The following DCC variants were observed in gnomAD, a reference collection of about 807,000 sequenced individuals.
DCC encodes the protein DCC netrin 1 receptor, also known as netrin receptor DCC.
A neutral mutation model predicts 172.5 loss-of-function variants in DCC; 58 were observed. The ratio of observed to expected loss-of-function variants is 0.34; its 90% CI spans 0.27 to 0.42. The LOEUF is 0.42. Ranked by LOEUF, DCC falls within the 10% of genes least tolerant of loss-of-function variation. DCC has a pLI of 1.00. For missense variants in DCC, 1,740 were observed against 1,791.0 expected, an observed-to-expected ratio of 0.97 and a Z score of 0.51; for synonymous variants, 709 against 644.5, an observed-to-expected ratio of 1.10 and a Z score of -1.52.
chr18:52,600,239 C>A (rs1474986853), intron 1 of DCC, among the ~76,000 whole-genome samples: 1 of 152,152 alleles, frequency 6.6e-6, no homozygotes, highest in Non-Finnish European at 1.5e-5. Context: ...TAACTAGCGT[C>A]CCCAGCTCTA....
At chr18:53,077,268 G>T (rs1408083518) in intron 7 of DCC, among the ~76,000 whole-genome samples, 1 of 151,934 alleles carries the variant, frequency 6.6e-6, no homozygotes, top group African/African-American at 2.4e-5. Context: ...AGGTGGTGTG[G>T]TATACTCAAC....
chr18:52,518,954 A>G (rs1189036658), intron 1 of DCC, among the ~76,000 whole-genome samples: 1 of 152,192 alleles, frequency 6.6e-6, no homozygotes, highest in Non-Finnish European at 1.5e-5. Flanking sequence ...TGTAACCCTA[A>G]ATGAAGGCCA....
intron 15 of DCC, among the ~76,000 whole-genome samples, chr18:53,356,584 A>T (rs371404898): frequency 3.3e-5 from 5 of 152,158 alleles, no homozygotes; most frequent in African/African-American, 1.2e-4. Context: ...TATGAGTTAC[A>T]TGGTTGTCCA....
intron 1 of DCC, among the ~76,000 whole-genome samples, chr18:52,589,690 G>A (rs550536771): frequency 1.9e-4 from 29 of 152,192 alleles, no homozygotes; most frequent in African/African-American, 7.0e-4. Context: ...AACCATATAA[G>A]CCTTTTTCTG....
intron 26 of DCC, 44 bp downstream of exon 26, chr18:53,487,002 A>G (rs752237473): frequency 6.2e-7 from 1 of 1,611,786 alleles, no homozygotes; most frequent in South Asian, 1.1e-5. Flanking sequence ...AATGAATAAT[A>G]GCAAAGGTGT....
intron 21 of DCC, among the ~76,000 whole-genome samples, chr18:53,428,610 ATT>A (rs1295211173): frequency 3.3e-5 from 1 of 30,374 alleles, no homozygotes; most frequent in Non-Finnish European, 9.0e-5. Flanking sequence ...ATTCATATAT[ATT>A]TTTATATATA....
rs951127190 is a variant in DCC at position 52,340,281 on chromosome 18, G to A, written c.-507G>A. ...CGCCTCTCCTCCCTGGGTCCCCTCG[G>A]CTCTCGGAAGAAAAACCAACAGCAT... is the stretch of plus-strand genomic sequence containing the variant. On this transcript the variant is annotated 5_prime_UTR_variant, in exon 1 of 29. Transcript: ENST00000442544. 2 of 199,486 alleles carry A rather than the reference G, an allele frequency of 1.0e-5. No homozygotes were observed. The highest frequency in any genetic ancestry group is 1.1e-4 in the Admixed American group (2 of 19,020). 12.4% of individuals were successfully genotyped at this position (199,486 alleles called of 1,614,324 possible). A position where few individuals can be genotyped will look rare whatever the true frequency, so the allele number is the denominator to read the frequency against.
At chr18:53,110,691 A>G (rs2043317242) in intron 7 of DCC, among the ~76,000 whole-genome samples, 3 of 144,630 alleles carry the variant, frequency 2.1e-5, no homozygotes, top group Non-Finnish European at 4.5e-5. Flanking sequence ...AATCAAAACC[A>G]CAATGAGATA....
In DCC at chr18:53,428,062, C is replaced by A. The variant is rs1391224927; in HGVS notation, c.3164-7082C>A. On this transcript the variant is annotated intron_variant, in intron 21 of 28. Coordinates refer to ENST00000442544, the MANE Select transcript of DCC (RefSeq NM_005215.4). ...ATAATAATATATTATAATAATGTGT[C>A]ATATATCATATAATATATTATAATA... 1.7e-3 allele frequency among the ~76,000 whole-genome samples: 48 copies of A among 28,658 alleles called. 13 individuals are homozygous for A. Among genetic ancestry groups the A allele is most frequent in the Non-Finnish European group, 3.4e-3 (36 of 10,528 alleles). The allele number at this position is 28,658 out of a possible 152,430, so 18.8% of individuals were successfully genotyped here.
chr18:53,486,591 A>G (rs577352657), intron 25 of DCC, among the ~76,000 whole-genome samples: 3 of 152,308 alleles, frequency 2.0e-5, no homozygotes, highest in Admixed American at 2.0e-4. Flanking sequence ...CTGCAGGGTA[A>G]TATTTCGTAG....
chr18:53,242,506 T>C (rs1225064371), intron 12 of DCC, among the ~76,000 whole-genome samples: 1 of 152,190 alleles, frequency 6.6e-6, no homozygotes, highest in Non-Finnish European at 1.5e-5. Context: ...TGACTATATA[T>C]TAGATACCTA....
chr18:53,086,585 C>CCTTCTTCTTCTTCTTCTTCTTCTT (rs755034828), intron 7 of DCC, among the ~76,000 whole-genome samples: 2 of 35,168 alleles, frequency 5.7e-5, no homozygotes, highest in East Asian at 7.7e-4. Flanking sequence ...TCTTCTTCTT[C>CCTTCTTCTTCTTCTTCTTCTTCTT]CTTCTTCTTC....
intron 9 of DCC, among the ~76,000 whole-genome samples, chr18:53,201,773 C>T (rs1038638459): frequency 6.6e-6 from 1 of 152,080 alleles, no homozygotes. Context: ...TTAAAGTCTC[C>T]TTTTTGGAAC....
chr18:52,803,047 AGTG>A (rs1355925314), intron 2 of DCC, among the ~76,000 whole-genome samples: 9 of 152,158 alleles, frequency 5.9e-5, no homozygotes, highest in African/African-American at 1.9e-4. Context: ...ATCTGTCTGA[AGTG>A]GTGGGCAATG....
rs187482232 is a variant in DCC, at chr18:52,667,289, G to A, written c.92-84765G>A. Reference sequence around the variant, plus strand: ...AAATGGTAGTAGATGATATATGCCAGTGACAATGTCATCCAAGCATCCTAA... The same window carrying A: ...AAATGGTAGTAGATGATATATGCCAATGACAATGTCATCCAAGCATCCTAA... On this transcript the variant is annotated intron_variant, in intron 1 of 28. Transcript: ENST00000442544. 4.1e-4 allele frequency among the ~76,000 whole-genome samples: 62 copies of A among 152,336 alleles called. 1 individual carries two copies. Among genetic ancestry groups the A allele is most frequent in the Non-Finnish European group, 7.1e-4 (48 of 68,030 alleles).
intron 1 of DCC, among the ~76,000 whole-genome samples, chr18:52,531,945 A>G (rs1018968576): frequency 2.6e-5 from 4 of 152,188 alleles, no homozygotes; most frequent in African/African-American, 7.2e-5. Flanking sequence ...GCAACCCACT[A>G]TCTTATGCAA....
intron 2 of DCC, among the ~76,000 whole-genome samples, chr18:52,880,444 CG>C (rs2039467745): frequency 6.6e-6 from 1 of 152,096 alleles, no homozygotes; most frequent in South Asian, 2.1e-4. Flanking sequence ...CCACCTTGCC[CG>C]GCCTTATTCA....
chr18:52,829,760 T>C (rs2038579703), intron 2 of DCC, among the ~76,000 whole-genome samples: 1 of 152,122 alleles, frequency 6.6e-6, no homozygotes, highest in African/African-American at 2.4e-5. Flanking sequence ...GCTGGGGATA[T>C]AGTAGAGAAC....
intron 15 of DCC, among the ~76,000 whole-genome samples, chr18:53,371,948 GA>G (rs2058063703): frequency 6.6e-6 from 1 of 151,876 alleles, no homozygotes. Flanking sequence ...CCATCATTAA[GA>G]AGTCAAAAAA....
Sources: allele counts gnomAD v4.1 joint callset (sites outside exome capture counted in the v4.1 genomes callset), GRCh38; gene constraint gnomAD v4.1.1; transcripts MANE v1.5; gene names NCBI Gene and HGNC (gene_info 2026-07-23, HGNC 2026-07-21).